SLC2A14: variants seen among roughly 807,000 people sequenced by gnomAD.
The protein encoded by SLC2A14 is solute carrier family 2 member 14.
A neutral mutation model predicts 43.0 loss-of-function variants in SLC2A14; 13 were observed. The ratio of observed to expected loss-of-function variants is 0.30; its 90% CI spans 0.20 to 0.48. The LOEUF (loss-of-function observed/expected upper bound fraction) is 0.48, where lower values mean the gene tolerates loss of function less well. Among genes scored for constraint, SLC2A14 ranks in the 20% least tolerant of loss-of-function variants. SLC2A14 has a pLI of 0.99. For synonymous variants in SLC2A14, 190 were observed against 233.8 expected (o/e 0.81, Z 1.71); for missense variants, 428 against 620.4 (o/e 0.69, Z 3.29).
At chr12:7,816,903 T>C (rs2120653576) in intron 10 of SLC2A14, among the ~76,000 whole-genome samples, 1 of 151,858 alleles carries the variant, frequency 6.6e-6, no homozygotes, top group East Asian at 2.0e-4. Flanking sequence ...AGATGGTGTT[T>C]CACCAGATGG....
At chr12:7,858,588 C>G (rs1439084023) in intron 2 of SLC2A14, among the ~76,000 whole-genome samples, 1 of 152,124 alleles carries the variant, frequency 6.6e-6, no homozygotes, top group African/African-American at 2.4e-5. Flanking sequence ...CAACTTCCGC[C>G]TCCCGGGTTC....
chr12:7,883,362 G>C (rs1343390608), intron 1 of SLC2A14, among the ~76,000 whole-genome samples: 1 of 147,884 alleles, frequency 6.8e-6, no homozygotes, highest in Non-Finnish European at 1.5e-5. Context: ...AGCCTCCTGG[G>C]TTCACGCCAT....
intron 7 of SLC2A14, among the ~76,000 whole-genome samples, chr12:7,826,854 C>CTTCCTTCCTTCCTTCCTTTTT (rs1555121685): frequency 1.2e-4 from 1 of 8,230 alleles, no homozygotes; most frequent in Non-Finnish European, 4.8e-4. Flanking sequence ...TCCTTCCTTC[C>CTTCCTTCCTTCCTTCCTTTTT]TTTCTTTTTT....
upstream of SLC2A14, among the ~76,000 whole-genome samples, chr12:7,877,918 T>C (rs1945490577): frequency 6.7e-6 from 1 of 148,170 alleles, no homozygotes; most frequent in Admixed American, 6.7e-5. Flanking sequence ...AATTTTTGTA[T>C]TTTTAGTAGA....
In SLC2A14 at chr12:7,871,001, A is replaced by T. The variant is rs114206959; in HGVS notation, c.-57-1064T>A. The T allele has an allele frequency of 1.0e-3, 1,446 of 1,440,144 alleles. 12 individuals carry two copies. In the African/African-American group the frequency reaches 0.018, roughly 18 times the overall value. 89.2% of individuals were successfully genotyped at this position (1,440,144 alleles called of 1,614,324 possible). A position where few individuals can be genotyped will look rare whatever the true frequency, so the allele number is the denominator to read the frequency against. ...GATTGACCAGAACCATGATGGCTTC[A>T]ATGACAAGGGGGACAGCACGACAAG... is the stretch of plus-strand genomic sequence containing the variant. On this transcript the variant is annotated intron_variant, in intron 1 of 10. Transcript: ENST00000431042.
chr12:7,865,353 T>C lies in SLC2A14; in HGVS notation c.18+4510A>G, dbSNP rs56700812. ...GAGATCGAGACCATCCTGGCTAACA[T>C]GGTGGAACCCCATCTCTACTAAAAA... On this transcript the variant is annotated intron_variant, in intron 2 of 10. Coordinates refer to ENST00000431042, the MANE Select transcript of SLC2A14 (RefSeq NM_001286234.2). Among the ~76,000 whole-genome samples, 722 of 152,092 alleles carry C rather than the reference T, an allele frequency of 4.7e-3. 41 individuals are homozygous for C. The East Asian group carries it at 0.12, about 25-fold the overall frequency.
chr12:7,815,585 G>GT (rs984648544), intron 10 of SLC2A14, among the ~76,000 whole-genome samples: 29 of 151,726 alleles, frequency 1.9e-4, no homozygotes, highest in African/African-American at 6.5e-4. Flanking sequence ...GTTTTGTTTT[G>GT]TTTTTTTTGA....
At chr12:7,860,979 A>G (rs1036070538) in intron 2 of SLC2A14, among the ~76,000 whole-genome samples, 2 of 151,974 alleles carry the variant, frequency 1.3e-5, no homozygotes, top group African/African-American at 4.8e-5. Flanking sequence ...TTTAGTAGAG[A>G]CGGGGTTTCT....
In SLC2A14 at chr12:7,813,066, C is replaced by T. The variant is rs896647467; in HGVS notation, c.*1250G>A. On this transcript the variant is annotated 3_prime_UTR_variant, in exon 11 of 11. Coordinates refer to ENST00000431042, the MANE Select transcript of SLC2A14 (RefSeq NM_001286234.2). The stretch of plus-strand genomic sequence containing the variant: ...TGACATGGTAACAGACATACGCAAG[C>T]GTGCCGTGAGCCTAAAGCAACAACA... 4 of 151,488 alleles carry T rather than the reference C, an allele frequency of 2.6e-5. No homozygotes were observed. Among genetic ancestry groups the T allele is most frequent in the Non-Finnish European group, 4.4e-5 (3 of 67,938 alleles). The allele number at this position is 151,488 out of a possible 1,614,324, so 9.4% of individuals were successfully genotyped here. A position where few individuals can be genotyped will look rare whatever the true frequency, so the allele number is the denominator to read the frequency against.
chr12:7,827,270 CTTTTTTT>C (rs71038780), intron 7 of SLC2A14, among the ~76,000 whole-genome samples: 1 of 99,248 alleles, frequency 1.0e-5, no homozygotes. Flanking sequence ...TAATTTTTGT[CTTTTTTT>C]TTTTTTTTTT....
At chr12:7,837,074 A>G (rs1289770302) in intron 2 of SLC2A14, among the ~76,000 whole-genome samples, 2 of 151,376 alleles carry the variant, frequency 1.3e-5, no homozygotes, top group African/African-American at 4.9e-5. Context: ...GGCTGAGGCA[A>G]GAGAATCGCT....
chr12:7,877,556 G>A (rs1945483205), upstream of SLC2A14, among the ~76,000 whole-genome samples: 1 of 151,782 alleles, frequency 6.6e-6, no homozygotes, highest in African/African-American at 2.4e-5. Flanking sequence ...CTCTGGAGTT[G>A]CTGGGAATAC....
chr12:7,830,276 C>A (rs111375076), intron 4 of SLC2A14, among the ~76,000 whole-genome samples: 3 of 152,132 alleles, frequency 2.0e-5, no homozygotes, highest in African/African-American at 7.2e-5. Flanking sequence ...CTCATACTCC[C>A]GAGTAGCTGG....
At chr12:7,856,069 TCTGA>T (rs1017712826) in intron 2 of SLC2A14, 9 of 152,188 alleles carry the variant, frequency 5.9e-5, no homozygotes, top group African/African-American at 1.9e-4. Context: ...CATGTAAAAT[TCTGA>T]CTAAGTTGAT....
In SLC2A14 at chr12:7,854,396, A is replaced by G. The variant is rs769119234; in HGVS notation, c.18+15467T>C. The stretch of plus-strand genomic sequence containing the variant: ...TCCACTCGCACATGTCTGCTACACC[A>G]TACTTGTCAAAGCCATTATAAACTG... On this transcript the variant is annotated intron_variant, in intron 2 of 10. Transcript: ENST00000431042. Among the ~76,000 whole-genome samples, 141 of 152,316 alleles carry G rather than the reference A, an allele frequency of 9.3e-4. 1 individual carries two copies. Among genetic ancestry groups the G allele is most frequent in the African/African-American group, 3.1e-3 (127 of 41,574 alleles).
chr12:7,825,459 CAAAA>C (rs34023090), intron 7 of SLC2A14, among the ~76,000 whole-genome samples: 1 of 131,638 alleles, frequency 7.6e-6, no homozygotes, highest in African/African-American at 2.8e-5. Context: ...GACTACCTCT[CAAAA>C]AAAAAAAAAG....
At chr12:7,818,520 G>A (rs1189175408) in intron 9 of SLC2A14, among the ~76,000 whole-genome samples, 1 of 152,020 alleles carries the variant, frequency 6.6e-6, no homozygotes, top group African/African-American at 2.4e-5. Flanking sequence ...AAATTAGCTG[G>A]GTGTGGTGGC....
intron 1 of SLC2A14, among the ~76,000 whole-genome samples, chr12:7,870,327 C>T (rs1945155935): frequency 6.6e-6 from 1 of 152,094 alleles, no homozygotes; most frequent in Non-Finnish European, 1.5e-5. Flanking sequence ...ATGTGGTTTA[C>T]CTTGCCATAT....
intron 1 of SLC2A14, chr12:7,871,089 AG>A (rs1945206909): frequency 7.3e-7 from 1 of 1,364,646 alleles, no homozygotes; most frequent in Non-Finnish European, 9.7e-7. Flanking sequence ...GCGAGGCCCC[AG>A]GGCCCATCAA....
Sources: gnomAD v4.1 joint callset for allele counts (sites outside exome capture counted in the v4.1 genomes callset) on GRCh38, gnomAD v4.1.1 for gene constraint, MANE v1.5 for transcripts, NCBI Gene and HGNC (gene_info 2026-07-23, HGNC 2026-07-21) for gene names.